Variants in PLAT observed in about 807,000 individuals in gnomAD.
PLAT encodes plasminogen activator, tissue type.
In PLAT, 48 loss-of-function variants were observed where a neutral mutation model predicts 74.9. The observed-to-expected ratio is 0.64, with a 90% CI of 0.51 to 0.82. PLAT has a LOEUF of 0.82. Ranked by LOEUF, PLAT falls within the 40% of genes least tolerant of loss-of-function variation. The probability of loss-of-function intolerance (pLI) is 0.00; values close to 1 mark genes in which losing one functional copy is unlikely to be tolerated. For missense variants in PLAT, 673 were observed against 736.2 expected, an observed-to-expected ratio of 0.91 and a Z score of 0.99; for synonymous variants, 307 against 294.4, an observed-to-expected ratio of 1.04 and a Z score of -0.44.
chr8:42,185,274 C>CTTT, intron 6 of PLAT, 102 bp from the exon 7 acceptor site: 1 of 525,596 alleles, frequency 1.9e-6, no homozygotes, highest in Non-Finnish European at 3.3e-6. Flanking sequence ...ATGGGGGGTG[C>CTTT]TTTTTTTTTT....
chr8:42,191,310 ACCC>A (rs1203804564), intron 3 of PLAT, 59 bp downstream of exon 3: 111 of 1,393,466 alleles, frequency 8.0e-5, no homozygotes, highest in Admixed American at 3.3e-5. Flanking sequence ...TGGGTGATGC[ACCC>A]TGCACCCCGC....
At position 42,191,433 on chromosome 8, in the gene PLAT, TGGA is replaced by T. The variant is rs773057787; in HGVS notation, c.73-22_73-20del. 1.4e-5 allele frequency: 23 copies of T among 1,613,142 alleles called. No homozygotes were observed. Among genetic ancestry groups the T allele is most frequent in the Middle Eastern group, 1.6e-4 (1 of 6,080 alleles). ...GGATTTCCTGCGAAGAAACCAGAGG[TGGA>T]GGAAGGATCAGCACATGCCAGGTGT... is the stretch of plus-strand genomic sequence containing the variant. On this transcript the variant is annotated intron_variant, in intron 2 of 13. Coordinates refer to ENST00000220809, the MANE Select transcript of PLAT (RefSeq NM_000930.5).
At chr8:42,186,653 G>A (rs140456565) in intron 6 of PLAT, 2,993 of 152,144 alleles carry the variant, frequency 0.02, 94 homozygotes, top group African/African-American at 0.068. Context: ...TTTCTAAATC[G>A]ATTGAGACCT....
chr8:42,194,595 G>T (rs1368340422), intron 1 of PLAT, among the ~76,000 whole-genome samples: 2 of 152,200 alleles, frequency 1.3e-5, no homozygotes, highest in Non-Finnish European at 2.9e-5. Context: ...GGGAATTCCT[G>T]CCCTGGGCTT....
intron 1 of PLAT, chr8:42,206,687 C>T (rs1385143155): frequency 6.6e-6 from 1 of 152,222 alleles, no homozygotes; most frequent in African/African-American, 2.4e-5. Flanking sequence ...CCCTCCCTTC[C>T]TCTCTCCCTC....
chr8:42,188,296 A>C, intron 4 of PLAT: 2 of 346,634 alleles, frequency 5.8e-6, no homozygotes, highest in East Asian at 1.0e-4. Context: ...AATATTAAGA[A>C]TGTGCTCTAT....
chr8:42,186,181 C>G (rs1045294555), intron 6 of PLAT: 2 of 147,278 alleles, frequency 1.4e-5, no homozygotes, highest in African/African-American at 5.0e-5. Context: ...TAATTCTCTA[C>G]AAGGACATTC....
chr8:42,177,128 T>G (rs1194045867), intron 13 of PLAT, among the ~76,000 whole-genome samples: 2 of 152,198 alleles, frequency 1.3e-5, no homozygotes, highest in Non-Finnish European at 2.9e-5. Flanking sequence ...GGCTAATTTT[T>G]GTGTTTTTAG....
chr8:42,205,581 C>T (rs1320516979), intron 1 of PLAT, among the ~76,000 whole-genome samples: 3 of 152,144 alleles, frequency 2.0e-5, no homozygotes, highest in Non-Finnish European at 2.9e-5. Context: ...TCTTCCTCTG[C>T]CCCCCTCTCA....
At chr8:42,176,963 C>G (rs1376814465) in intron 13 of PLAT, among the ~76,000 whole-genome samples, 1 of 151,206 alleles carries the variant, frequency 6.6e-6, no homozygotes, top group Non-Finnish European at 1.5e-5. Context: ...CTTCACTCTT[C>G]TTTTTTTGTT....
intron 1 of PLAT, among the ~76,000 whole-genome samples, chr8:42,193,950 G>A (rs1805787643): frequency 6.6e-6 from 1 of 151,586 alleles, no homozygotes; most frequent in Non-Finnish European, 1.5e-5. Flanking sequence ...TCCTGACCTC[G>A]TGATCCGCTC....
chr8:42,194,005 CG>C (rs1338575420), intron 1 of PLAT, among the ~76,000 whole-genome samples: 6 of 962 alleles, frequency 6.2e-3, no homozygotes, highest in Non-Finnish European at 0.012. Flanking sequence ...TGAGCCACCG[CG>C]CCCCCGCTGC....
chr8:42,188,669 T>G (rs907172250), intron 4 of PLAT, among the ~76,000 whole-genome samples: 15 of 152,234 alleles, frequency 9.9e-5, no homozygotes, highest in African/African-American at 3.4e-4. Flanking sequence ...GCTTGCCCTG[T>G]CACTGAGGTT....
At chr8:42,192,139 G>A (rs1194210289) in intron 2 of PLAT, among the ~76,000 whole-genome samples, 1 of 151,790 alleles carries the variant, frequency 6.6e-6, no homozygotes, top group African/African-American at 2.4e-5. Context: ...GAGTAGCTGG[G>A]ACCACAGGTG....
rs8178746 is a variant in PLAT at position 42,188,073 on chromosome 8, C to T, written c.254-57G>A. On this transcript the variant is annotated intron_variant, in intron 4 of 13. Transcript: ENST00000220809. ...ACAGCCTCCTTCTGTGTGCTCAGGC[C>T]ATGGTTCCAGGAGCCCTGTCTACCA... 4.6e-3 allele frequency: 4,909 copies of T among 1,074,994 alleles called. 145 individuals are homozygous for T. In the African/African-American group the frequency reaches 0.068, roughly 15 times the overall value. 66.6% of individuals were successfully genotyped at this position (1,074,994 alleles called of 1,614,324 possible).
Position 42,175,716 on chromosome 8 carries a change from C to T in PLAT, c.*277G>A, listed in dbSNP as rs774730985. The T allele has an allele frequency of 7.5e-5, 25 of 333,314 alleles. No individual in the cohort carries two copies. The highest frequency in any genetic ancestry group is 1.0e-4 in the Non-Finnish European group (19 of 181,022). The allele number at this position is 333,314 out of a possible 1,614,324, so 20.6% of individuals were successfully genotyped here. A position where few individuals can be genotyped will look rare whatever the true frequency, so the allele number is the denominator to read the frequency against. On this transcript the variant is annotated 3_prime_UTR_variant, in exon 14 of 14. Transcript: ENST00000220809. Reference sequence around the variant, plus strand: ...TTAGCTGAAAACAGGGTGGCATGGCCACTTTCTGCCCAGGGAGGAGGCATT... The same window carrying T: ...TTAGCTGAAAACAGGGTGGCATGGCTACTTTCTGCCCAGGGAGGAGGCATT...
intron 13 of PLAT, among the ~76,000 whole-genome samples, chr8:42,176,419 G>T (rs1441025871): frequency 6.6e-6 from 1 of 152,154 alleles, no homozygotes; most frequent in Non-Finnish European, 1.5e-5. Flanking sequence ...ATGTATCTAC[G>T]TGGGCCCAGT....
At chr8:42,202,251 T>C (rs1452930327) in intron 1 of PLAT, among the ~76,000 whole-genome samples, 1 of 151,260 alleles carries the variant, frequency 6.6e-6, no homozygotes, top group African/African-American at 2.4e-5. Context: ...CCCGGGCTGG[T>C]TTCAAACTCC....
chr8:42,203,969 T>TTATATATATATATA (rs373313453), intron 1 of PLAT, among the ~76,000 whole-genome samples: 38 of 104,924 alleles, frequency 3.6e-4, no homozygotes, highest in South Asian at 2.2e-3. Context: ...TGTCTCTAAA[T>TTATATATATATATA]TATATATATA....
Sources: gnomAD v4.1 joint callset for allele counts (sites outside exome capture counted in the v4.1 genomes callset) on GRCh38, gnomAD v4.1.1 for gene constraint, MANE v1.5 for transcripts, NCBI Gene and HGNC (gene_info 2026-07-23, HGNC 2026-07-21) for gene names.